Variants in RHOBTB1 observed in about 807,000 individuals in gnomAD.
RHOBTB1 encodes Rho related BTB domain containing 1.
RHOBTB1 carries 40 observed loss-of-function variants against 71.6 expected under a neutral mutation model. The observed-to-expected ratio is 0.56, with a 90% CI of 0.43 to 0.73. The LOEUF (loss-of-function observed/expected upper bound fraction) is 0.73. Ranked by LOEUF, RHOBTB1 falls within the 30% of genes least tolerant of loss-of-function variation. The pLI, the probability that RHOBTB1 is intolerant of heterozygous loss-of-function variation, is 0.00. For missense variants in RHOBTB1, 797 were observed against 894.0 expected, an observed-to-expected ratio of 0.89 and a Z score of 1.38; for synonymous variants, 319 against 334.9, an observed-to-expected ratio of 0.95 and a Z score of 0.52.
chr10:60,940,296 T>C (rs1159758770), intron 2 of RHOBTB1, among the ~76,000 whole-genome samples: 1 of 152,160 alleles, frequency 6.6e-6, no homozygotes, highest in Non-Finnish European at 1.5e-5. Context: ...AGTACCCCTT[T>C]ATATAAAATT....
At chr10:60,897,953 CT>C (rs1416348926) in intron 4 of RHOBTB1, among the ~76,000 whole-genome samples, 2 of 152,084 alleles carry the variant, frequency 1.3e-5, no homozygotes, top group African/African-American at 4.8e-5. Context: ...ATCTTCCCAC[CT>C]CGGCTTTGCA....
chr10:60,909,221 A>G (rs2082841546), intron 4 of RHOBTB1, among the ~76,000 whole-genome samples: 1 of 152,212 alleles, frequency 6.6e-6, no homozygotes, highest in Admixed American at 6.5e-5. Flanking sequence ...CAAGATAATG[A>G]AGCAGCCCTT....
intron 9 of RHOBTB1, among the ~76,000 whole-genome samples, chr10:60,874,397 G>C (rs2080944055): frequency 6.6e-6 from 1 of 152,330 alleles, no homozygotes; most frequent in Admixed American, 6.5e-5. Flanking sequence ...CTGTGGATGA[G>C]GAAAGTGAGG....
chr10:60,888,255 T>C lies in RHOBTB1; in HGVS notation c.1413A>G (p.Lys471=). Residue 471 remains lysine (K), a synonymous_variant, in exon 6 of 11, where the codon AAA becomes AAG. Transcript: ENST00000337910. ...TGAGACACTCTTTTATCCGATTGGC[T>C]TTCCTTACGTGAAAGGCTTTCGTAA... is the stretch of plus-strand genomic sequence containing the variant. The part of the protein sequence containing the change: ...QEITKAFHVR[K]ANRIKECLSK... 4 of 1,614,084 alleles carry C rather than the reference T, an allele frequency of 2.5e-6. No homozygotes were observed. The highest frequency in any genetic ancestry group is 3.4e-6 in the Non-Finnish European group (4 of 1,179,992).
intron 2 of RHOBTB1, among the ~76,000 whole-genome samples, chr10:60,977,528 A>G (rs2086355675): frequency 6.6e-6 from 1 of 152,148 alleles, no homozygotes; most frequent in Non-Finnish European, 1.5e-5. Flanking sequence ...CCACAGGCAG[A>G]GGCAAATGAT....
At chr10:60,996,492 C>A (rs1345612185) in intron 1 of RHOBTB1, among the ~76,000 whole-genome samples, 1 of 152,166 alleles carries the variant, frequency 6.6e-6, no homozygotes. Flanking sequence ...GAGGAATTTG[C>A]CTCGCTGTCC....
chr10:60,911,660 G>A, intron 2 of RHOBTB1, 108 bp from the exon 3 acceptor site: 1 of 837,210 alleles, frequency 1.2e-6, no homozygotes, highest in Non-Finnish European at 2.0e-6. Flanking sequence ...CTTCCTTGGA[G>A]GTGCACAAGC....
intron 2 of RHOBTB1, among the ~76,000 whole-genome samples, chr10:60,950,902 G>A (rs1295540510): frequency 6.6e-6 from 1 of 152,112 alleles, no homozygotes; most frequent in Admixed American, 6.5e-5. Flanking sequence ...ATTGTATGAG[G>A]TAGAAAGTTT....
Position 60,922,854 on chromosome 10 carries a change from G to A in RHOBTB1, c.-10-11302C>T, listed in dbSNP as rs543447434. 5.9e-5 allele frequency among the ~76,000 whole-genome samples: 9 copies of A among 152,338 alleles called. No homozygotes were observed. In the South Asian group the frequency reaches 1.9e-3, roughly 32 times the overall value. ...CCCTTTCAGTTTTGACCCTATGATA[G>A]AACTGATTGATCTTCTGGGGTTAAT... On this transcript the variant is annotated intron_variant, in intron 2 of 10. Coordinates refer to ENST00000337910, the MANE Select transcript of RHOBTB1 (RefSeq NM_014836.5).
chr10:60,872,330 T>G (rs1157852504), intron 9 of RHOBTB1, 40 bp from the exon 10 acceptor site: 4 of 1,421,446 alleles, frequency 2.8e-6, no homozygotes, highest in Non-Finnish European at 4.0e-6. Context: ...GACTATTTTC[T>G]AAAGAGGGGC....
At chr10:60,960,049 T>C in intron 2 of RHOBTB1, among the ~76,000 whole-genome samples, 1 of 152,166 alleles carries the variant, frequency 6.6e-6, no homozygotes, top group African/African-American at 2.4e-5. Flanking sequence ...TTGGTAGGTG[T>C]TGTAGAAAGC....
At chr10:60,951,642 G>A (rs780846647) in intron 2 of RHOBTB1, among the ~76,000 whole-genome samples, 1 of 152,130 alleles carries the variant, frequency 6.6e-6, no homozygotes, top group Non-Finnish European at 1.5e-5. Context: ...ATCCTGTCAC[G>A]GTATCCATCT....
intron 2 of RHOBTB1, among the ~76,000 whole-genome samples, chr10:60,939,127 C>T (rs952784616): frequency 6.6e-6 from 1 of 152,260 alleles, no homozygotes. Context: ...ATTGGCATCG[C>T]TTTCTTTGTA....
At position 60,891,834 on chromosome 10, in the gene RHOBTB1, T is replaced by C. The variant is rs145447135; in HGVS notation, c.482+976A>G. Among the ~76,000 whole-genome samples the C allele has an allele frequency of 2.9e-3, 440 of 152,336 alleles. 1 individual carries two copies. The highest frequency in any genetic ancestry group is 9.6e-3 in the African/African-American group (401 of 41,576). On this transcript the variant is annotated intron_variant, in intron 5 of 10. Coordinates refer to ENST00000337910, the MANE Select transcript of RHOBTB1 (RefSeq NM_014836.5). ...CCCACTCAAATCTCATCTTGAATTA[T>C]AGTTCCCATAATCCCCATGTGTCAC...
chr10:60,880,216 A>T (rs868316902), intron 7 of RHOBTB1, among the ~76,000 whole-genome samples: 9,846 of 114,560 alleles, frequency 0.086, 303 homozygotes, highest in South Asian at 0.12. Context: ...AGAGAGAGAG[A>T]GAGAGAGAGA....
At chr10:60,935,235 A>G (rs1163689097) in intron 2 of RHOBTB1, among the ~76,000 whole-genome samples, 2 of 152,212 alleles carry the variant, frequency 1.3e-5, no homozygotes, top group Non-Finnish European at 2.9e-5. Context: ...ACAAAAGAAT[A>G]CATAGGATAT....
intron 2 of RHOBTB1, among the ~76,000 whole-genome samples, chr10:60,918,740 CTTTTCTTTTTCTTTTT>C (rs1321408163): frequency 6.6e-6 from 1 of 150,560 alleles, no homozygotes; most frequent in Non-Finnish European, 1.5e-5. Flanking sequence ...CATTTCTTTT[CTTTTCTTTTTCTTTTT>C]TTTTTTTGAG....
In RHOBTB1 at chr10:60,871,245, T is replaced by C. The variant is rs549029463; in HGVS notation, c.*237A>G. 1 of 388,722 alleles carries C rather than the reference T, an allele frequency of 2.6e-6. No homozygotes were observed. The highest frequency in any genetic ancestry group is 2.1e-5 in the African/African-American group (1 of 48,480). 24.1% of individuals were successfully genotyped at this position (388,722 alleles called of 1,614,324 possible). On this transcript the variant is annotated 3_prime_UTR_variant, in exon 11 of 11. Coordinates refer to ENST00000337910, the MANE Select transcript of RHOBTB1 (RefSeq NM_014836.5). ...ATTAAGCCTCCTAACAAAAAAAATA[T>C]ACATATCAGTTTAAGGAATGCAGTG...
intron 8 of RHOBTB1, among the ~76,000 whole-genome samples, chr10:60,876,547 A>G (rs758358638): frequency 1.3e-5 from 2 of 152,236 alleles, no homozygotes; most frequent in African/African-American, 4.8e-5. Flanking sequence ...TCAAAAATAA[A>G]TAAAAATGTA....
Sources: gnomAD v4.1 joint callset for allele counts (sites outside exome capture counted in the v4.1 genomes callset) on GRCh38, gnomAD v4.1.1 for gene constraint, MANE v1.5 for transcripts, NCBI Gene and HGNC (gene_info 2026-07-23, HGNC 2026-07-21) for gene names.